The following ANKRD6 variants were observed in gnomAD, a reference collection of about 807,000 sequenced individuals.
ANKRD6 encodes the protein ankyrin repeat domain 6, also known as ankyrin repeat domain-containing protein 6.
Under a neutral mutation model 82.3 loss-of-function variants are expected in ANKRD6, and 56 were observed. That is an observed-to-expected ratio of 0.68 (90% CI 0.55 to 0.85). The LOEUF (loss-of-function observed/expected upper bound fraction) is 0.85. ANKRD6 is among the 40% of genes least tolerant of loss of function. The probability of loss-of-function intolerance (pLI) is 0.00; values close to 1 mark genes in which losing one functional copy is unlikely to be tolerated. For synonymous variants in ANKRD6, 347 were observed against 352.1 expected, an observed-to-expected ratio of 0.99 and a Z score of 0.16; for missense variants, 852 against 907.6, an observed-to-expected ratio of 0.94 and a Z score of 0.79.
At position 89,552,628 on chromosome 6, in the gene ANKRD6, G is replaced by A. The variant is rs60775165; in HGVS notation, c.-143-14206G>A. 2.1e-3 allele frequency among the ~76,000 whole-genome samples: 313 copies of A among 152,244 alleles called. 1 individual carries two copies. Among genetic ancestry groups the A allele is most frequent in the African/African-American group, 7.3e-3 (302 of 41,550 alleles). Reference sequence around the variant, plus strand: ...TTTAGCCTCTTGTTGACTTTACATAGGCATACATACACCCTAATATTTAGT... The same window carrying A: ...TTTAGCCTCTTGTTGACTTTACATAAGCATACATACACCCTAATATTTAGT... On this transcript the variant is annotated intron_variant, in intron 1 of 15. Coordinates refer to ENST00000339746, the MANE Select transcript of ANKRD6 (RefSeq NM_001242809.2).
intron 5 of ANKRD6, 36 bp from the exon 6 acceptor site, chr6:89,612,236 G>A (rs2073272): frequency 0.31 from 483,059 of 1,533,930 alleles, 80,430 homozygotes; most frequent in East Asian, 0.63. Context: ...GAAGCATGTT[G>A]CTAATATGTC....
intron 1 of ANKRD6, among the ~76,000 whole-genome samples, chr6:89,463,040 C>G (rs1055176810): frequency 4.6e-5 from 7 of 151,606 alleles, no homozygotes; most frequent in Non-Finnish European, 7.4e-5. Context: ...TTAAAAAATT[C>G]TTTTTTGTGA....
intron 5 of ANKRD6, among the ~76,000 whole-genome samples, chr6:89,611,623 A>G (rs1800276823): frequency 6.6e-6 from 1 of 152,256 alleles, no homozygotes; most frequent in Admixed American, 6.5e-5. Flanking sequence ...CCAAAAAGCA[A>G]GAGGGTCTCA....
chr6:89,500,768 G>A (rs1050513533), intron 1 of ANKRD6, among the ~76,000 whole-genome samples: 6 of 152,176 alleles, frequency 3.9e-5, no homozygotes, highest in African/African-American at 1.4e-4. Flanking sequence ...GAGGCTTTTA[G>A]TGGCTTTAGG....
intron 1 of ANKRD6, among the ~76,000 whole-genome samples, chr6:89,519,398 G>A (rs939778140): frequency 2.0e-5 from 3 of 152,202 alleles, no homozygotes; most frequent in Admixed American, 6.5e-5. Context: ...GATTTAGGAA[G>A]CAAAACCAAC....
chr6:89,454,943 C>T (rs9344938), intron 1 of ANKRD6, among the ~76,000 whole-genome samples: 23,119 of 152,020 alleles, frequency 0.15, 2,256 homozygotes, highest in East Asian at 0.4. Flanking sequence ...TGGGTTCAAG[C>T]GATTCTCTTG....
intron 2 of ANKRD6, among the ~76,000 whole-genome samples, chr6:89,570,547 C>T (rs911467644): frequency 2.6e-5 from 4 of 152,186 alleles, no homozygotes; most frequent in African/African-American, 9.7e-5. Context: ...CCATTAAACA[C>T]TAATTTCTCA....
intron 1 of ANKRD6, among the ~76,000 whole-genome samples, chr6:89,504,147 G>A (rs1779568818): frequency 7.1e-6 from 1 of 141,146 alleles, no homozygotes; most frequent in African/African-American, 2.6e-5. Context: ...GGGGTGGGGG[G>A]GAAGGAAGAA....
chr6:89,501,812 G>A lies in ANKRD6; in HGVS notation c.-143-65022G>A, dbSNP rs185249997. Among the ~76,000 whole-genome samples the A allele has an allele frequency of 6.6e-4, 100 of 151,992 alleles. 1 individual carries two copies. In the South Asian group the frequency reaches 7.1e-3, roughly 11 times the overall value. On this transcript the variant is annotated intron_variant, in intron 1 of 15. Coordinates refer to ENST00000339746, the MANE Select transcript of ANKRD6 (RefSeq NM_001242809.2). ...ATTTATTTCTCATTTAGAAGGTGTC[G>A]TGGTGCTAAGTCTCTGATACAAGGA... is the stretch of plus-strand genomic sequence containing the variant.
chr6:89,479,761 A>G (rs1776560839), intron 1 of ANKRD6, among the ~76,000 whole-genome samples: 3 of 151,892 alleles, frequency 2.0e-5, no homozygotes, highest in African/African-American at 4.8e-5. Context: ...TCCTAATGCT[A>G]TCCCTCCCGC....
intron 2 of ANKRD6, among the ~76,000 whole-genome samples, chr6:89,589,718 G>C (rs1389788187): frequency 6.6e-6 from 1 of 152,220 alleles, no homozygotes; most frequent in East Asian, 1.9e-4. Flanking sequence ...AGTTATGCTG[G>C]AGTTAGATCC....
In ANKRD6 at chr6:89,629,228, G is replaced by C. The variant is rs1350537727; in HGVS notation, c.1602G>C (p.Glu534Asp). The C allele has an allele frequency of 1.2e-6, 2 of 1,613,776 alleles. No individual in the cohort carries two copies. Among genetic ancestry groups the C allele is most frequent in the South Asian group, 2.2e-5 (2 of 91,066 alleles). Residue 534 changes from glutamate to aspartate, a missense_variant, in exon 15 of 16, where the codon GAG becomes GAC. Coordinates refer to ENST00000339746, the MANE Select transcript of ANKRD6 (RefSeq NM_001242809.2). ...CTAAATCCACACCATCTACTTGTGA[G>C]TCCTCTACAGGTAACCCACACACAG... The part of the protein sequence containing the change: ...CRAKSTPSTC[E>D]SSTGVDQLVV...
chr6:89,462,959 C>T (rs757756081), intron 1 of ANKRD6, among the ~76,000 whole-genome samples: 8 of 151,138 alleles, frequency 5.3e-5, no homozygotes, highest in Non-Finnish European at 1.2e-4. Context: ...AACTCCTGGG[C>T]TCAAGTGATC....
At chr6:89,599,260 C>G (rs780904958) in intron 3 of ANKRD6, among the ~76,000 whole-genome samples, 2 of 152,142 alleles carry the variant, frequency 1.3e-5, no homozygotes, top group Non-Finnish European at 2.9e-5. Context: ...GTGGTCCCAG[C>G]TACTCAGGAG....
At chr6:89,480,417 G>A (rs974413537) in intron 1 of ANKRD6, among the ~76,000 whole-genome samples, 1 of 152,158 alleles carries the variant, frequency 6.6e-6, no homozygotes, top group Non-Finnish European at 1.5e-5. Context: ...AGTGAGGGGA[G>A]GGTTTGCCAG....
At chr6:89,585,603 C>G (rs895400913) in intron 2 of ANKRD6, among the ~76,000 whole-genome samples, 5 of 152,206 alleles carry the variant, frequency 3.3e-5, no homozygotes, top group African/African-American at 7.2e-5. Flanking sequence ...ATTAGAGATG[C>G]AAGTTTTAGA....
At chr6:89,490,851 T>G (rs969417897) in intron 1 of ANKRD6, among the ~76,000 whole-genome samples, 3 of 152,064 alleles carry the variant, frequency 2.0e-5, no homozygotes, top group African/African-American at 7.2e-5. Context: ...AAAAGATAAG[T>G]CCATGTCCTA....
chr6:89,575,655 C>T (rs1007441013), intron 2 of ANKRD6, among the ~76,000 whole-genome samples: 5 of 152,042 alleles, frequency 3.3e-5, no homozygotes, highest in African/African-American at 9.7e-5. Context: ...AAAACATTTC[C>T]GAATTATTTT....
intron 5 of ANKRD6, among the ~76,000 whole-genome samples, chr6:89,610,411 C>T (rs1341644838): frequency 1.3e-5 from 2 of 152,048 alleles, no homozygotes; most frequent in Non-Finnish European, 2.9e-5. Flanking sequence ...TCCTCCGTGT[C>T]GTTACATGGA....
Sources: gnomAD v4.1 joint callset for allele counts (sites outside exome capture counted in the v4.1 genomes callset) on GRCh38, gnomAD v4.1.1 for gene constraint, MANE v1.5 for transcripts, NCBI Gene and HGNC (gene_info 2026-07-23, HGNC 2026-07-21) for gene names.